Variants in MVB12B observed in about 807,000 individuals in gnomAD.
MVB12B encodes the protein ESCRT-I complex subunit MVB12B.
In MVB12B, 16 loss-of-function variants were observed where a neutral mutation model predicts 41.6. That is an observed-to-expected ratio of 0.38 (90% CI 0.26 to 0.58). The LOEUF is 0.58. MVB12B is among the 20% of genes least tolerant of loss of function. The pLI, the probability that MVB12B is intolerant of heterozygous loss-of-function variation, is 0.62. For missense variants in MVB12B, 274 were observed against 380.2 expected (o/e 0.72, Z 2.32); for synonymous variants, 133 against 139.7 (o/e 0.95, Z 0.34).
Position 126,420,625 on chromosome 9 carries a change from A to G in MVB12B, c.663-1229A>G, listed in dbSNP as rs569343329. Among the ~76,000 whole-genome samples the G allele has an allele frequency of 4.6e-4, 57 of 124,208 alleles. No individual in the cohort carries two copies. In the Admixed American group the frequency reaches 5.0e-3, roughly 11 times the overall value. The allele number at this position is 124,208 out of a possible 152,430, so 81.5% of individuals were successfully genotyped here. On this transcript the variant is annotated intron_variant, in intron 6 of 9. Coordinates refer to ENST00000361171, the MANE Select transcript of MVB12B (RefSeq NM_033446.3). Reference sequence around the variant, plus strand: ...AGAGTTTTGCTCTGTTGCCCATGCTAGAGTGCAATGTGCAATGGCATGAAC... The same window carrying G: ...AGAGTTTTGCTCTGTTGCCCATGCTGGAGTGCAATGTGCAATGGCATGAAC...
chr9:126,437,789 T>G (rs1159524371), intron 7 of MVB12B, among the ~76,000 whole-genome samples: 1 of 152,246 alleles, frequency 6.6e-6, no homozygotes, highest in African/African-American at 2.4e-5. Context: ...TCTATAGAAA[T>G]CAGTTAATTG....
At chr9:126,349,254 CG>C (rs1829683195) in intron 2 of MVB12B, among the ~76,000 whole-genome samples, 1 of 152,074 alleles carries the variant, frequency 6.6e-6, no homozygotes, top group Non-Finnish European at 1.5e-5. Context: ...GCAGGGGAAT[CG>C]TGTCCTGGAC....
chr9:126,434,689 G>A (rs1034677989), intron 7 of MVB12B, among the ~76,000 whole-genome samples: 11 of 152,150 alleles, frequency 7.2e-5, no homozygotes, highest in Non-Finnish European at 1.0e-4. Flanking sequence ...TGAATTGCAC[G>A]GCCTTCACTC....
chr9:126,441,066 T>C (rs1832627128), intron 7 of MVB12B, among the ~76,000 whole-genome samples: 1 of 152,240 alleles, frequency 6.6e-6, no homozygotes, highest in African/African-American at 2.4e-5. Flanking sequence ...GTTCTCCCGA[T>C]GCAGCCCTCA....
Position 126,376,434 on chromosome 9 carries a change from T to G in MVB12B, c.205-4630T>G. ...GTGCCTGGTGACCCTTTGTTGTGGGTTGGGATTTAAGATGGAGGCACCAGC... is the reference window on the plus strand; with the variant it reads ...GTGCCTGGTGACCCTTTGTTGTGGGGTGGGATTTAAGATGGAGGCACCAGC... On this transcript the variant is annotated intron_variant, in intron 2 of 9. Coordinates refer to ENST00000361171, the MANE Select transcript of MVB12B (RefSeq NM_033446.3). This position sits in a 1 kb window ranked among gnomAD's most constrained non-coding sequence, Gnocchi z 4.1. 2.7e-6 allele frequency: 3 copies of G among 1,122,268 alleles called. No homozygotes were observed. The highest frequency in any genetic ancestry group is 2.4e-6 in the Non-Finnish European group (2 of 837,606). 69.5% of individuals were successfully genotyped at this position (1,122,268 alleles called of 1,614,324 possible). A position where few individuals can be genotyped will look rare whatever the true frequency, so the allele number is the denominator to read the frequency against.
intron 7 of MVB12B, among the ~76,000 whole-genome samples, chr9:126,453,607 G>C (rs891467924): frequency 6.6e-6 from 1 of 152,166 alleles, no homozygotes; most frequent in Non-Finnish European, 1.5e-5. Context: ...TGCCCATGAG[G>C]CTCTTGCGGT....
chr9:126,393,781 C>A (rs1831025642), intron 5 of MVB12B, among the ~76,000 whole-genome samples: 1 of 152,244 alleles, frequency 6.6e-6, no homozygotes, highest in African/African-American at 2.4e-5. Flanking sequence ...CTTCCCTGGC[C>A]AGGGCTGGCA....
intron 9 of MVB12B, among the ~76,000 whole-genome samples, chr9:126,499,285 C>T (rs1198947720): frequency 6.6e-6 from 1 of 152,148 alleles, no homozygotes; most frequent in African/African-American, 2.4e-5. Flanking sequence ...TGGCAGAACC[C>T]CTGACAGTTA....
Position 126,333,691 on chromosome 9 carries a change from C to A in MVB12B, c.81+6681C>A, listed in dbSNP as rs554728475. On this transcript the variant is annotated intron_variant, in intron 1 of 9. Transcript: ENST00000361171. This position sits in a 1 kb window ranked among gnomAD's most constrained non-coding sequence, Gnocchi z 4.7. Reference sequence around the variant, plus strand: ...TGCTGGGATTACAGGCGTGAGCCACCATGCCCGTGTGTGACCCTGGTTTTA... The same window carrying A: ...TGCTGGGATTACAGGCGTGAGCCACAATGCCCGTGTGTGACCCTGGTTTTA... 6.6e-6 allele frequency among the ~76,000 whole-genome samples: 1 copy of A among 152,272 alleles called. No homozygotes were observed. Among genetic ancestry groups the A allele is most frequent in the South Asian group, 2.1e-4 (1 of 4,824 alleles).
At chr9:126,490,637 G>A (rs767329580) in intron 9 of MVB12B, among the ~76,000 whole-genome samples, 10 of 152,228 alleles carry the variant, frequency 6.6e-5, no homozygotes, top group Non-Finnish European at 1.2e-4. Flanking sequence ...GAAAGATGAG[G>A]GAGGGTCTAA....
chr9:126,455,464 G>C (rs1429841132), intron 7 of MVB12B, among the ~76,000 whole-genome samples: 2 of 151,938 alleles, frequency 1.3e-5, no homozygotes, highest in Non-Finnish European at 2.9e-5. Flanking sequence ...GGGATTACAG[G>C]TGTGAGCCAC....
rs139880164 is a variant in MVB12B, at chr9:126,443,193, T to C, written c.757+21245T>C. ...ACTACTTTCTGGGGTTTAAGCCCCA[T>C]TTTGACCATTTCCAAACATGGGACC... On this transcript the variant is annotated intron_variant, in intron 7 of 9. Coordinates refer to ENST00000361171, the MANE Select transcript of MVB12B (RefSeq NM_033446.3). Among the ~76,000 whole-genome samples, 143 of 152,254 alleles carry C rather than the reference T, an allele frequency of 9.4e-4. 1 individual carries two copies. The East Asian group carries it at 0.026, about 28-fold the overall frequency.
chr9:126,436,196 C>T lies in MVB12B; in HGVS notation c.757+14248C>T, dbSNP rs1342694935. On this transcript the variant is annotated intron_variant, in intron 7 of 9. Transcript: ENST00000361171. This position sits in a 1 kb window ranked among gnomAD's most constrained non-coding sequence, Gnocchi z 4.1. Reference sequence around the variant, plus strand: ...TGGTTATTTTGCCAGGAGGCTCTCTCGTGTTCGGGCATTTGGGGTCCTTTC... The same window carrying T: ...TGGTTATTTTGCCAGGAGGCTCTCTTGTGTTCGGGCATTTGGGGTCCTTTC... Among the ~76,000 whole-genome samples the T allele has an allele frequency of 6.6e-6, 1 of 152,208 alleles. No individual in the cohort carries two copies. The highest frequency in any genetic ancestry group is 2.4e-5 in the African/African-American group (1 of 41,450).
intron 6 of MVB12B, among the ~76,000 whole-genome samples, chr9:126,421,136 C>G (rs529919862): frequency 6.6e-6 from 1 of 152,288 alleles, no homozygotes; most frequent in South Asian, 2.1e-4. Context: ...CAGCTGGTGA[C>G]CATGCCAAAT....
At chr9:126,398,650 G>T (rs1402625542) in intron 6 of MVB12B, among the ~76,000 whole-genome samples, 1 of 152,246 alleles carries the variant, frequency 6.6e-6, no homozygotes, top group Admixed American at 6.5e-5. Context: ...CTGGGAGCGC[G>T]GTGACGCAGC....
chr9:126,374,907 AGTGATGCCTGC>A (rs1830437490), intron 2 of MVB12B, among the ~76,000 whole-genome samples: 1 of 152,212 alleles, frequency 6.6e-6, no homozygotes, highest in Non-Finnish European at 1.5e-5. Context: ...ACTTTAACAA[AGTGATGCCTGC>A]GTGCACAGTT....
At chr9:126,343,842 A>G (rs1829515457) in intron 2 of MVB12B, among the ~76,000 whole-genome samples, 1 of 152,288 alleles carries the variant, frequency 6.6e-6, no homozygotes, top group East Asian at 1.9e-4. Flanking sequence ...GATTGAACCC[A>G]GAAGGCAGAG....
intron 2 of MVB12B, among the ~76,000 whole-genome samples, chr9:126,348,354 G>GA (rs1386082737): frequency 6.6e-6 from 1 of 152,216 alleles, no homozygotes; most frequent in African/African-American, 2.4e-5. Flanking sequence ...GCTGTGGTCT[G>GA]AGAGAATGCA....
chr9:126,427,033 C>A (rs546918924), intron 7 of MVB12B: 1 of 152,258 alleles, frequency 6.6e-6, no homozygotes, highest in Admixed American at 6.5e-5. Context: ...AGTGTTAGTC[C>A]TATGGATACA....
Sources: allele counts gnomAD v4.1 joint callset (sites outside exome capture counted in the v4.1 genomes callset), GRCh38; gene constraint gnomAD v4.1.1; non-coding constraint Gnocchi (gnomAD v3.1); transcripts MANE v1.5; gene names NCBI Gene and HGNC (gene_info 2026-07-23, HGNC 2026-07-21).